SNX29: variants seen among roughly 807,000 people sequenced by gnomAD.
SNX29 encodes the protein sorting nexin-29.
In SNX29, 78 loss-of-function variants were observed where a neutral mutation model predicts 102.1. The ratio of observed to expected loss-of-function variants is 0.76; its 90% CI spans 0.64 to 0.92. The LOEUF is 0.92. Ranked by LOEUF, SNX29 falls within the 40% of genes least tolerant of loss-of-function variation. The probability of loss-of-function intolerance (pLI) is 0.00; values close to 1 mark genes in which losing one functional copy is unlikely to be tolerated. For missense variants in SNX29, 1,280 were observed against 1,061.7 expected (o/e 1.21, Z -2.86); for synonymous variants, 580 against 414.5 (o/e 1.40, Z -4.85).
At chr16:12,285,171 T>G (rs1453866200) in intron 15 of SNX29, among the ~76,000 whole-genome samples, 1 of 152,216 alleles carries the variant, frequency 6.6e-6, no homozygotes, top group African/African-American at 2.4e-5. Context: ...ATGTAATCAG[T>G]AGATGCCGTT....
chr16:12,559,223 A>AGCCACTCCCC (rs2078567978), intron 20 of SNX29, among the ~76,000 whole-genome samples: 2 of 152,010 alleles, frequency 1.3e-5, no homozygotes, highest in Non-Finnish European at 2.9e-5. Flanking sequence ...CTGTATTTAC[A>AGCCACTCCCC]GCCACTCCCC....
chr16:12,209,738 A>G (rs1322423643), intron 14 of SNX29, among the ~76,000 whole-genome samples: 1 of 152,238 alleles, frequency 6.6e-6, no homozygotes, highest in South Asian at 2.1e-4. Context: ...TCCTCGGTCA[A>G]TAGCAGGAGT....
chr16:12,562,949 A>G (rs1315858436), intron 20 of SNX29, among the ~76,000 whole-genome samples: 1 of 152,188 alleles, frequency 6.6e-6, no homozygotes, highest in Non-Finnish European at 1.5e-5. Context: ...GTAAGAAGCA[A>G]ACATTCACCC....
At chr16:12,007,978 C>G (rs1274984253) in intron 3 of SNX29, among the ~76,000 whole-genome samples, 2 of 152,172 alleles carry the variant, frequency 1.3e-5, no homozygotes, top group East Asian at 1.9e-4. Flanking sequence ...GAGTCTCGCT[C>G]TGTCACCCAG....
chr16:12,564,312 A>G lies in SNX29; in HGVS notation c.2319-4194A>G, dbSNP rs142016154. On this transcript the variant is annotated intron_variant, in intron 20 of 20. Transcript: ENST00000566228. ...CCTATGAAGTTGCTGGCTAGACTTCACTAGTGTCTCTTACCTTATTTCAGT... is the reference window on the plus strand; with the variant it reads ...CCTATGAAGTTGCTGGCTAGACTTCGCTAGTGTCTCTTACCTTATTTCAGT... 3.6e-3 allele frequency among the ~76,000 whole-genome samples: 542 copies of G among 152,338 alleles called. 2 individuals carry two copies. Among genetic ancestry groups the G allele is most frequent in the African/African-American group, 0.012 (513 of 41,580 alleles).
At chr16:12,554,873 A>G (rs2078227847) in intron 20 of SNX29, among the ~76,000 whole-genome samples, 3 of 152,258 alleles carry the variant, frequency 2.0e-5, no homozygotes, top group Middle Eastern at 6.8e-3. Context: ...GAGGACAAAG[A>G]TATGTCAGCA....
At chr16:12,044,495 C>T (rs192027501) in intron 5 of SNX29, among the ~76,000 whole-genome samples, 3 of 152,300 alleles carry the variant, frequency 2.0e-5, no homozygotes, top group Admixed American at 6.5e-5. Flanking sequence ...CTGTGTACTG[C>T]TCACGGTCAG....
At chr16:12,566,457 G>C (rs1353983869) in intron 20 of SNX29, among the ~76,000 whole-genome samples, 2 of 152,216 alleles carry the variant, frequency 1.3e-5, no homozygotes, top group Non-Finnish European at 2.9e-5. Context: ...TTGCAGGGCA[G>C]GGCTCATCCT....
intron 19 of SNX29, among the ~76,000 whole-genome samples, chr16:12,505,922 A>G (rs1054545326): frequency 6.6e-6 from 1 of 151,920 alleles, no homozygotes; most frequent in Non-Finnish European, 1.5e-5. Flanking sequence ...TCTTTTGATC[A>G]TATTTTGTAG....
rs760547090 is a variant in SNX29 at position 12,002,410 on chromosome 16, C to T, written c.70-581C>T. Among the ~76,000 whole-genome samples, 95 of 149,834 alleles carry T rather than the reference C, an allele frequency of 6.3e-4. 1 individual carries two copies. Among genetic ancestry groups the T allele is most frequent in the Non-Finnish European group, 1.2e-3 (78 of 67,706 alleles). On this transcript the variant is annotated intron_variant, in intron 2 of 20. Transcript: ENST00000566228. ...TTGTGGTGAGCTGAGATCGATATTACACTCCAGCCTGGGCAACAAGAGTGA... is the reference window on the plus strand; with the variant it reads ...TTGTGGTGAGCTGAGATCGATATTATACTCCAGCCTGGGCAACAAGAGTGA...
chr16:12,509,735 A>G (rs2089526526), intron 19 of SNX29, among the ~76,000 whole-genome samples: 2 of 152,202 alleles, frequency 1.3e-5, no homozygotes, highest in Non-Finnish European at 2.9e-5. Context: ...CCTGAGCAAC[A>G]TAGTGAGAGC....
At position 12,487,569 on chromosome 16, in the gene SNX29, G is replaced by A. The variant is rs541584918; in HGVS notation, c.2178+9710G>A. On this transcript the variant is annotated intron_variant, in intron 19 of 20. Coordinates refer to ENST00000566228, the MANE Select transcript of SNX29 (RefSeq NM_032167.5). ...ATGCCGCCGCACCACCCAGCCCTCCGTGGAGAAGCCAGCCGCACACGTCCA... is the reference window on the plus strand; with the variant it reads ...ATGCCGCCGCACCACCCAGCCCTCCATGGAGAAGCCAGCCGCACACGTCCA... Among the ~76,000 whole-genome samples, 29 of 152,266 alleles carry A rather than the reference G, an allele frequency of 1.9e-4. 1 individual carries two copies. Among genetic ancestry groups the A allele is most frequent in the Admixed American group, 1.6e-3 (24 of 15,294 alleles).
At chr16:12,513,884 A>T (rs1404446070) in intron 19 of SNX29, among the ~76,000 whole-genome samples, 1 of 152,206 alleles carries the variant, frequency 6.6e-6, no homozygotes, top group African/African-American at 2.4e-5. Context: ...GTCTCTGTGG[A>T]GAGTTTTTAA....
At chr16:12,331,060 G>A (rs8052018) in intron 15 of SNX29, among the ~76,000 whole-genome samples, 2 of 152,236 alleles carry the variant, frequency 1.3e-5, no homozygotes, top group Non-Finnish European at 2.9e-5. Flanking sequence ...TTCAGAGCCT[G>A]TGTCTGTGTT....
At chr16:12,224,740 C>G (rs923117314) in intron 14 of SNX29, among the ~76,000 whole-genome samples, 2 of 152,194 alleles carry the variant, frequency 1.3e-5, no homozygotes, top group African/African-American at 4.8e-5. Flanking sequence ...GGATAGTAAG[C>G]AGGCACAAAA....
At chr16:12,435,074 A>C (rs1282518237) in intron 18 of SNX29, among the ~76,000 whole-genome samples, 1 of 152,084 alleles carries the variant, frequency 6.6e-6, no homozygotes, top group African/African-American at 2.4e-5. Context: ...GTCCATCCCC[A>C]GGCCCAGGAG....
At chr16:12,361,245 C>T (rs1265517394) in intron 16 of SNX29, among the ~76,000 whole-genome samples, 2 of 152,216 alleles carry the variant, frequency 1.3e-5, no homozygotes, top group Non-Finnish European at 2.9e-5. Flanking sequence ...TCCCAGCCTA[C>T]TCCAAGGCTA....
intron 8 of SNX29, among the ~76,000 whole-genome samples, chr16:12,054,658 C>T (rs2050446062): frequency 6.6e-6 from 1 of 152,226 alleles, no homozygotes; most frequent in African/African-American, 2.4e-5. Flanking sequence ...CCCAGCTTTC[C>T]TGGGTCTTCA....
rs1318410237 is a variant in SNX29, at chr16:12,020,241, G to A, written c.123-7079G>A. On this transcript the variant is annotated intron_variant, in intron 3 of 20. Transcript: ENST00000566228. Reference sequence around the variant, plus strand: ...GGGCTCAAGCAACCCTTCTGTCTCAGCTTCCTGAGTAGCTGGGACTACAGG... The same window carrying A: ...GGGCTCAAGCAACCCTTCTGTCTCAACTTCCTGAGTAGCTGGGACTACAGG... Among the ~76,000 whole-genome samples, 10 of 152,056 alleles carry A rather than the reference G, an allele frequency of 6.6e-5. No homozygotes were observed. In the East Asian group the frequency reaches 1.9e-3, roughly 29 times the overall value.
Sources: allele counts gnomAD v4.1 joint callset (sites outside exome capture counted in the v4.1 genomes callset), GRCh38; gene constraint gnomAD v4.1.1; transcripts MANE v1.5; gene names NCBI Gene and HGNC (gene_info 2026-07-23, HGNC 2026-07-21).